Variants in AKAP9 observed in about 807,000 individuals in gnomAD.
The protein encoded by AKAP9 is A-kinase anchoring protein 9.
AKAP9 carries 311 observed loss-of-function variants against 488.5 expected under a neutral mutation model. The ratio of observed to expected loss-of-function variants is 0.64; its 90% CI spans 0.58 to 0.70. The LOEUF (loss-of-function observed/expected upper bound fraction) is 0.70. AKAP9 is among the 30% of genes least tolerant of loss of function. The pLI, the probability that AKAP9 is intolerant of heterozygous loss-of-function variation, is 0.00. For missense variants in AKAP9, 4,215 were observed against 4,374.5 expected (o/e 0.96, Z 1.03); for synonymous variants, 1,462 against 1,483.5 (o/e 0.99, Z 0.33).
chr7:92,038,794 TA>T (rs780755834), intron 17 of AKAP9, 22 bp downstream of exon 17: 3 of 1,503,554 alleles, frequency 2.0e-6, no homozygotes, highest in African/African-American at 1.4e-5. Context: ...TCCTTGAATA[TA>T]AAAAACTTAT....
chr7:92,046,246 T>C (rs1282690121), intron 21 of AKAP9, among the ~76,000 whole-genome samples: 1 of 152,198 alleles, frequency 6.6e-6, no homozygotes, highest in East Asian at 1.9e-4. Context: ...GGGAAAAGTT[T>C]TGTGAGATGG....
chr7:92,067,130 A>G (rs1359250145), intron 26 of AKAP9, among the ~76,000 whole-genome samples: 5 of 152,158 alleles, frequency 3.3e-5, no homozygotes, highest in Admixed American at 6.5e-5. Flanking sequence ...CCTACCCAGC[A>G]TAAATGATGG....
intron 22 of AKAP9, among the ~76,000 whole-genome samples, chr7:92,053,196 G>T (rs1808276897): frequency 6.6e-6 from 1 of 152,026 alleles, no homozygotes; most frequent in Non-Finnish European, 1.5e-5. Context: ...CTTATTTCAG[G>T]TATATTAGTA....
intron 1 of AKAP9, among the ~76,000 whole-genome samples, chr7:91,954,077 G>T (rs973488428): frequency 2.0e-5 from 3 of 152,170 alleles, no homozygotes; most frequent in Admixed American, 1.3e-4. Context: ...AGGAAGGTCA[G>T]TGTATAGCTG....
chr7:92,070,679 C>G (rs1010843438), intron 27 of AKAP9, among the ~76,000 whole-genome samples: 1 of 151,904 alleles, frequency 6.6e-6, no homozygotes, highest in African/African-American at 2.4e-5. Context: ...AGGTGATCCA[C>G]CTACCTCAGC....
intron 46 of AKAP9, among the ~76,000 whole-genome samples, chr7:92,105,107 TG>T (rs1368242368): frequency 2.6e-5 from 4 of 152,154 alleles, no homozygotes; most frequent in Non-Finnish European, 5.9e-5. Flanking sequence ...AAATCAAAAC[TG>T]GTGCTCCAAA....
At chr7:91,987,337 T>C (rs1797226024) in intron 3 of AKAP9, among the ~76,000 whole-genome samples, 1 of 151,974 alleles carries the variant, frequency 6.6e-6, no homozygotes, top group Non-Finnish European at 1.5e-5. Flanking sequence ...GAAAATTGTT[T>C]GAATCTGGGA....
At chr7:92,042,880 A>G (rs1806350148) in intron 20 of AKAP9, 109 bp downstream of exon 20, 1 of 756,516 alleles carries the variant, frequency 1.3e-6, no homozygotes, top group South Asian at 1.4e-5. Flanking sequence ...TGTCTTAAAA[A>G]TCATCATACC....
In AKAP9 at chr7:91,993,054, A is replaced by G. The variant is rs1797963116; in HGVS notation, c.575A>G (p.Gln192Arg). 1.2e-6 allele frequency: 2 copies of G among 1,614,056 alleles called. No individual in the cohort carries two copies. The highest frequency in any genetic ancestry group is 1.7e-6 in the Non-Finnish European group (2 of 1,179,934). ...RVTYGTEGLQ[Q>R]LQEFEAAIKQ... Reference sequence around the variant, plus strand: ...ACCTATGGGACTGAAGGACTGCAGCAGGTATGTTTATTTTCTGTGGCTTTT... The same window carrying G: ...ACCTATGGGACTGAAGGACTGCAGCGGGTATGTTTATTTTCTGTGGCTTTT... The change falls in exon 5 of 50, where the codon CAG becomes CGG. Residue 192 changes from glutamine to arginine, a missense_variant and splice_region_variant. Coordinates refer to ENST00000356239, the MANE Select transcript of AKAP9 (RefSeq NM_005751.5).
rs1024883847 is a variant in AKAP9 at position 92,099,570 on chromosome 7, TACTCA to T, written c.10714-110_10714-106del. 3.4e-5 allele frequency: 34 copies of T among 989,448 alleles called. No individual in the cohort carries two copies. In the African/African-American group the frequency reaches 5.2e-4, roughly 15 times the overall value. The allele number at this position is 989,448 out of a possible 1,614,324, so 61.3% of individuals were successfully genotyped here. A position where few individuals can be genotyped will look rare whatever the true frequency, so the allele number is the denominator to read the frequency against. ...TGGTAAATATCTACCTATTACTGAA[TACTCA>T]ACTCAAGCACCAATTCATGAATTCT... On this transcript the variant is annotated intron_variant, in intron 43 of 49. Coordinates refer to ENST00000356239, the MANE Select transcript of AKAP9 (RefSeq NM_005751.5).
At position 91,988,297 on chromosome 7, in the gene AKAP9, C is replaced by CAA. The variant is rs5885797; in HGVS notation, c.352-3834_352-3833dup. The stretch of plus-strand genomic sequence containing the variant: ...TTGGTGACAGAGCAAGACCCCCTCT[C>CAA]AAAAAAAAAAAAAAAAAAAAAAAAA... On this transcript the variant is annotated intron_variant, in intron 3 of 49. Coordinates refer to ENST00000356239, the MANE Select transcript of AKAP9 (RefSeq NM_005751.5). Among the ~76,000 whole-genome samples, 66 of 53,662 alleles carry CAA rather than the reference C, an allele frequency of 1.2e-3. 6 individuals carry two copies. The highest frequency in any genetic ancestry group is 3.1e-3 in the East Asian group (3 of 976). The allele number at this position is 53,662 out of a possible 152,430, so 35.2% of individuals were successfully genotyped here. A position where few individuals can be genotyped will look rare whatever the true frequency, so the allele number is the denominator to read the frequency against.
At chr7:92,073,778 G>A (rs1277763568) in intron 28 of AKAP9, among the ~76,000 whole-genome samples, 4 of 152,138 alleles carry the variant, frequency 2.6e-5, no homozygotes, top group Non-Finnish European at 4.4e-5. Context: ...ACTTAGAATA[G>A]GAAAGTTAGT....
chr7:92,021,423 A>C (rs1802301139), intron 12 of AKAP9, among the ~76,000 whole-genome samples: 1 of 152,038 alleles, frequency 6.6e-6, no homozygotes, highest in Admixed American at 6.6e-5. Context: ...ATTGCTGCTT[A>C]GTTTTATGTA....
intron 2 of AKAP9, 83 bp from the exon 3 acceptor site, chr7:91,980,206 G>T: frequency 1.3e-6 from 1 of 777,210 alleles, no homozygotes; most frequent in South Asian, 1.9e-5. Context: ...TCTATCATAT[G>T]TTACCAATAG....
intron 22 of AKAP9, among the ~76,000 whole-genome samples, chr7:92,059,942 A>T (rs1458812370): frequency 2.0e-5 from 3 of 151,950 alleles, no homozygotes; most frequent in African/African-American, 7.2e-5. Context: ...TTTATAATTT[A>T]AAATGTATGA....
At chr7:92,019,168 G>A (rs1401421940) in intron 12 of AKAP9, among the ~76,000 whole-genome samples, 1 of 150,852 alleles carries the variant, frequency 6.6e-6, no homozygotes, top group Non-Finnish European at 1.5e-5. Context: ...CCAAGACAGA[G>A]TCTTACTCTG....
intron 28 of AKAP9, among the ~76,000 whole-genome samples, chr7:92,073,971 A>G (rs1282684921): frequency 6.6e-6 from 1 of 152,240 alleles, no homozygotes; most frequent in Non-Finnish European, 1.5e-5. Context: ...CAAGGACTTC[A>G]TGTCTAAAAC....
At chr7:91,946,377 T>C (rs557710028) in intron 1 of AKAP9, among the ~76,000 whole-genome samples, 84 of 147,078 alleles carry the variant, frequency 5.7e-4, no homozygotes, top group African/African-American at 2.0e-3. Flanking sequence ...GACTTAAAAC[T>C]AATTCATAAC....
At chr7:92,019,020 C>T (rs1264605672) in intron 12 of AKAP9, among the ~76,000 whole-genome samples, 1 of 152,206 alleles carries the variant, frequency 6.6e-6, no homozygotes, top group African/African-American at 2.4e-5. Context: ...CTTCTCTTTT[C>T]ACTCCTGGTC....
Sources: gnomAD v4.1 joint callset for allele counts (sites outside exome capture counted in the v4.1 genomes callset) on GRCh38, gnomAD v4.1.1 for gene constraint, MANE v1.5 for transcripts, NCBI Gene and HGNC (gene_info 2026-07-23, HGNC 2026-07-21) for gene names.